PRKG1: variants seen among roughly 807,000 people sequenced by gnomAD.
PRKG1 encodes protein kinase cGMP-dependent 1.
A neutral mutation model predicts 88.1 loss-of-function variants in PRKG1; 35 were observed. That is an observed-to-expected ratio of 0.40 (90% CI 0.30 to 0.53). PRKG1 has a LOEUF of 0.53. PRKG1 is among the 20% of genes least tolerant of loss of function. PRKG1 has a pLI of 0.59. For missense variants in PRKG1, 540 were observed against 839.8 expected, an observed-to-expected ratio of 0.64 and a Z score of 4.41; for synonymous variants, 303 against 292.5, an observed-to-expected ratio of 1.04 and a Z score of -0.37.
intron 9 of PRKG1, among the ~76,000 whole-genome samples, chr10:52,163,560 T>C (rs1161614422): frequency 1.3e-5 from 2 of 152,062 alleles, no homozygotes; most frequent in Admixed American, 6.6e-5. Flanking sequence ...CTATTAAACT[T>C]TAGAAGGATT....
In PRKG1 at chr10:51,628,965, C is replaced by CAA. The variant is rs199634329; in HGVS notation, c.592+161142_592+161143dup. On this transcript the variant is annotated intron_variant, in intron 3 of 17. Transcript: ENST00000373980. ...TGGGCGACAGAGCGAGACTCCGTCT[C>CAA]AAAAAAAAAAAAAACAAAAACAAAA... 1.6e-4 allele frequency among the ~76,000 whole-genome samples: 16 copies of CAA among 98,422 alleles called. 1 individual carries two copies. Among genetic ancestry groups the CAA allele is most frequent in the African/African-American group, 2.7e-4 (8 of 29,932 alleles). 64.6% of individuals were successfully genotyped at this position (98,422 alleles called of 152,430 possible). A position where few individuals can be genotyped will look rare whatever the true frequency, so the allele number is the denominator to read the frequency against.
At chr10:51,573,447 C>A (rs1053650266) in intron 3 of PRKG1, among the ~76,000 whole-genome samples, 4 of 151,866 alleles carry the variant, frequency 2.6e-5, no homozygotes, top group Non-Finnish European at 5.9e-5. Flanking sequence ...TACTTAGATT[C>A]ATTATAATTC....
At chr10:51,829,031 T>C (rs928407689) in intron 4 of PRKG1, among the ~76,000 whole-genome samples, 1 of 152,186 alleles carries the variant, frequency 6.6e-6, no homozygotes, top group Non-Finnish European at 1.5e-5. Flanking sequence ...TCTCATGAAG[T>C]TGCAATCAGC....
In PRKG1 at chr10:51,035,874, C is replaced by CTTTA. The variant is rs369483340; in HGVS notation, c.266+44254_266+44257dup. 2.2e-3 allele frequency among the ~76,000 whole-genome samples: 330 copies of CTTTA among 151,906 alleles called. 3 individuals carry two copies. The highest frequency in any genetic ancestry group is 4.2e-3 in the African/African-American group (172 of 41,414). On this transcript the variant is annotated intron_variant, in intron 1 of 17. Coordinates refer to the PRKG1 transcript ENST00000401604. ...CTACTGTTTATCCATGAGTACATAC[C>CTTTA]TTTATTTATTTATTTATTTATTTAT...
chr10:51,449,806 A>AG lies in PRKG1; in HGVS notation c.479-17917_479-17916insG, dbSNP rs1554810362. On this transcript the variant is annotated intron_variant, in intron 2 of 17. Transcript: ENST00000373980. ...TGCTTTTTATCTGTTGATAATCTTTACCTGTCTGGAAGTAGAATGCAAATT... is the reference window on the plus strand; with the variant it reads ...TGCTTTTTATCTGTTGATAATCTTTAGCCTGTCTGGAAGTAGAATGCAAATT... 2.3e-4 allele frequency among the ~76,000 whole-genome samples: 34 copies of AG among 150,462 alleles called. 1 individual carries two copies. Among genetic ancestry groups the AG allele is most frequent in the African/African-American group, 8.3e-4 (34 of 40,940 alleles).
At chr10:52,270,906 A>G (rs1947150833) in intron 10 of PRKG1, among the ~76,000 whole-genome samples, 1 of 152,036 alleles carries the variant, frequency 6.6e-6, no homozygotes, top group African/African-American at 2.4e-5. Flanking sequence ...AAAAAAAATT[A>G]GAAATGTTTG....
At chr10:51,445,530 A>G (rs933954377) in intron 2 of PRKG1, among the ~76,000 whole-genome samples, 3 of 151,088 alleles carry the variant, frequency 2.0e-5, no homozygotes, top group African/African-American at 7.4e-5. Flanking sequence ...TAGGTTAAAT[A>G]TAACAACAAC....
At chr10:52,042,263 G>A (rs1238151726) in intron 5 of PRKG1, among the ~76,000 whole-genome samples, 2 of 152,082 alleles carry the variant, frequency 1.3e-5, no homozygotes, top group African/African-American at 4.8e-5. Context: ...ACCCTGAATA[G>A]CCAAAGCAAT....
intron 5 of PRKG1, among the ~76,000 whole-genome samples, chr10:51,915,292 A>T (rs984853393): frequency 1.3e-5 from 2 of 152,252 alleles, no homozygotes; most frequent in Non-Finnish European, 2.9e-5. Flanking sequence ...CAATGGCAAC[A>T]TTATTAGTTC....
intron 5 of PRKG1, among the ~76,000 whole-genome samples, chr10:51,998,517 T>C (rs1844511299): frequency 1.3e-5 from 2 of 152,220 alleles, no homozygotes; most frequent in African/African-American, 2.4e-5. Flanking sequence ...AAATATTTTA[T>C]CTACTGTATT....
At chr10:51,884,600 A>G (rs547237893) in intron 4 of PRKG1, among the ~76,000 whole-genome samples, 2 of 123,396 alleles carry the variant, frequency 1.6e-5, no homozygotes, top group Admixed American at 8.7e-5. Context: ...GGTTGACTGG[A>G]CTCAGTGTGC....
chr10:51,650,015 G>A (rs925871364), intron 3 of PRKG1, among the ~76,000 whole-genome samples: 1 of 152,140 alleles, frequency 6.6e-6, no homozygotes, highest in African/African-American at 2.4e-5. Flanking sequence ...GTGCCGGCCC[G>A]AGAGTCACCA....
chr10:51,069,072 A>T (rs1387560275), intron 1 of PRKG1, among the ~76,000 whole-genome samples: 1 of 151,954 alleles, frequency 6.6e-6, no homozygotes, highest in African/African-American at 2.4e-5. Flanking sequence ...GTTTAGCCTG[A>T]GACCCAATAA....
At chr10:51,216,711 G>A (rs1338508027) in intron 2 of PRKG1, among the ~76,000 whole-genome samples, 5 of 152,144 alleles carry the variant, frequency 3.3e-5, no homozygotes, top group African/African-American at 9.7e-5. Flanking sequence ...TAAATAAGAT[G>A]TTTGAACTAA....
intron 3 of PRKG1, among the ~76,000 whole-genome samples, chr10:51,666,488 T>G (rs2132339919): frequency 6.6e-6 from 1 of 152,330 alleles, no homozygotes; most frequent in South Asian, 2.1e-4. Context: ...GGCCTTTTCC[T>G]TATTCCATTA....
chr10:51,977,301 T>G (rs1309504390), intron 5 of PRKG1, among the ~76,000 whole-genome samples: 2 of 152,038 alleles, frequency 1.3e-5, no homozygotes, highest in Non-Finnish European at 2.9e-5. Flanking sequence ...GATATGATCT[T>G]ATTCGTTTTT....
intron 2 of PRKG1, among the ~76,000 whole-genome samples, chr10:51,381,198 A>G (rs1219561834): frequency 1.5e-5 from 2 of 134,650 alleles, no homozygotes; most frequent in African/African-American, 2.8e-5. Context: ...TGGAGGTTTC[A>G]GTGAGCCAAG....
intron 2 of PRKG1, among the ~76,000 whole-genome samples, chr10:51,310,198 A>C (rs1841147268): frequency 2.0e-5 from 3 of 152,156 alleles, no homozygotes; most frequent in Admixed American, 1.3e-4. Context: ...ACCACTACAC[A>C]ATATATCTAT....
intron 3 of PRKG1, among the ~76,000 whole-genome samples, chr10:51,735,549 C>A (rs563899914): frequency 1.4e-5 from 2 of 146,696 alleles, no homozygotes; most frequent in African/African-American, 2.5e-5. Context: ...AAGAAATATA[C>A]AGGCATTCCT....
Sources: gnomAD v4.1 joint callset for allele counts (sites outside exome capture counted in the v4.1 genomes callset) on GRCh38, gnomAD v4.1.1 for gene constraint, MANE v1.5 for transcripts, NCBI Gene and HGNC (gene_info 2026-07-23, HGNC 2026-07-21) for gene names.